Variants in IFT80 observed in about 807,000 individuals in gnomAD.
IFT80 encodes the protein intraflagellar transport protein 80 homolog.
A neutral mutation model predicts 107.9 loss-of-function variants in IFT80; 79 were observed. The ratio of observed to expected loss-of-function variants is 0.73; its 90% CI spans 0.61 to 0.88. The LOEUF is 0.88. IFT80 is among the 40% of genes least tolerant of loss of function. The pLI is 0.00. For missense variants in IFT80, 797 were observed against 914.2 expected, an observed-to-expected ratio of 0.87 and a Z score of 1.65; for synonymous variants, 299 against 300.9, an observed-to-expected ratio of 0.99 and a Z score of 0.07.
intron 12 of IFT80, among the ~76,000 whole-genome samples, chr3:160,299,626 T>C (rs1042299441): frequency 3.9e-5 from 6 of 152,212 alleles, no homozygotes; most frequent in Non-Finnish European, 8.8e-5. Context: ...CTCTTCTTTG[T>C]GTACACTTAC....
intron 13 of IFT80, among the ~76,000 whole-genome samples, chr3:160,283,136 C>T (rs1051161304): frequency 2.6e-5 from 4 of 152,244 alleles, no homozygotes; most frequent in Middle Eastern, 3.4e-3. Flanking sequence ...ACTTACTTTG[C>T]AAATCAGAAG....
Position 160,258,392 on chromosome 3 carries a change from A to T in IFT80, c.*133T>A. ...GTTTCATCTTTCTGCATGTACTTTT[A>T]CACTAAATACACAGCAAGTACTTAT... On this transcript the variant is annotated 3_prime_UTR_variant, in exon 20 of 20. Transcript: ENST00000326448. 9.4e-7 allele frequency: 1 copy of T among 1,059,176 alleles called. No homozygotes were observed. Among genetic ancestry groups the T allele is most frequent in the Non-Finnish European group, 1.4e-6 (1 of 723,044 alleles). 65.6% of individuals were successfully genotyped at this position (1,059,176 alleles called of 1,614,324 possible).
intron 6 of IFT80, among the ~76,000 whole-genome samples, chr3:160,361,926 A>G (rs929072844): frequency 2.6e-5 from 4 of 152,250 alleles, no homozygotes; most frequent in African/African-American, 9.6e-5. Context: ...AGAAAGCAGG[A>G]AAGATCTAAA....
At chr3:160,277,967 C>CA (rs1256515495) in intron 16 of IFT80, among the ~76,000 whole-genome samples, 1 of 151,964 alleles carries the variant, frequency 6.6e-6, no homozygotes, top group African/African-American at 2.4e-5. Flanking sequence ...GACGAGGTGT[C>CA]AAAAAATGTA....
In IFT80 at chr3:160,292,475, CTTTTTTTT is replaced by C. The variant is rs142116230; in HGVS notation, c.1316-6615_1316-6608del. On this transcript the variant is annotated intron_variant, in intron 12 of 19. Transcript: ENST00000326448. The stretch of plus-strand genomic sequence containing the variant: ...ATAGATTCCTGCACTAGAGAGATTC[CTTTTTTTT>C]TTTTTTTTTTTTTTGAGACGGAGTC... Among the ~76,000 whole-genome samples, 322 of 115,382 alleles carry C rather than the reference CTTTTTTTT, an allele frequency of 2.8e-3. 4 individuals are homozygous for C. The highest frequency in any genetic ancestry group is 0.011 in the African/African-American group (306 of 28,256). The allele number at this position is 115,382 out of a possible 152,430, so 75.7% of individuals were successfully genotyped here. A position where few individuals can be genotyped will look rare whatever the true frequency, so the allele number is the denominator to read the frequency against.
chr3:160,288,967 A>G (rs1715321290), intron 12 of IFT80, among the ~76,000 whole-genome samples: 1 of 150,570 alleles, frequency 6.6e-6, no homozygotes, highest in African/African-American at 2.4e-5. Flanking sequence ...GTGCATACCC[A>G]AAGGAATATA....
chr3:160,276,190 T>G (rs1714252814), intron 18 of IFT80, among the ~76,000 whole-genome samples: 1 of 152,102 alleles, frequency 6.6e-6, no homozygotes, highest in Non-Finnish European at 1.5e-5. Flanking sequence ...TTTTATAGAA[T>G]GAAAAACATC....
At chr3:160,320,735 T>C (rs1002576163) in intron 8 of IFT80, among the ~76,000 whole-genome samples, 2 of 151,904 alleles carry the variant, frequency 1.3e-5, no homozygotes, top group Non-Finnish European at 2.9e-5. Context: ...GATTTTGTTG[T>C]TGTTGTTGCT....
intron 19 of IFT80, among the ~76,000 whole-genome samples, chr3:160,268,082 G>C (rs746405270): frequency 7.9e-5 from 12 of 152,162 alleles, no homozygotes; most frequent in Non-Finnish European, 1.5e-4. Context: ...CAGCAGAAGA[G>C]GCAGCTTGTG....
chr3:160,347,492 T>A (rs1387770505), intron 8 of IFT80, among the ~76,000 whole-genome samples: 1 of 152,166 alleles, frequency 6.6e-6, no homozygotes, highest in Non-Finnish European at 1.5e-5. Flanking sequence ...CTTTATTGCA[T>A]CTGTATAACT....
intron 8 of IFT80, among the ~76,000 whole-genome samples, chr3:160,341,574 A>G (rs1719898485): frequency 6.6e-6 from 1 of 152,142 alleles, no homozygotes; most frequent in Non-Finnish European, 1.5e-5. Context: ...ACCTAAGCTG[A>G]GCCAGTGATC....
At chr3:160,335,769 G>C (rs2108325133) in intron 8 of IFT80, among the ~76,000 whole-genome samples, 1 of 152,208 alleles carries the variant, frequency 6.6e-6, no homozygotes, top group Non-Finnish European at 1.5e-5. Flanking sequence ...TCTAATTTCA[G>C]AACATTTTCA....
intron 12 of IFT80, among the ~76,000 whole-genome samples, chr3:160,293,567 G>A (rs1343996342): frequency 2.6e-5 from 4 of 152,188 alleles, no homozygotes; most frequent in Non-Finnish European, 5.9e-5. Flanking sequence ...AGGCCAGGGG[G>A]TGGTCTGTAG....
At chr3:160,387,543 A>G (rs938897911) in intron 1 of IFT80, among the ~76,000 whole-genome samples, 1 of 152,158 alleles carries the variant, frequency 6.6e-6, no homozygotes, top group African/African-American at 2.4e-5. Flanking sequence ...AAATGACTGT[A>G]AAGTTTCAAT....
Position 160,398,296 on chromosome 3 carries a change from T to C in IFT80, c.-47+850A>G, listed in dbSNP as rs373521774. Among the ~76,000 whole-genome samples the C allele has an allele frequency of 2.6e-5, 4 of 152,246 alleles. No individual in the cohort carries two copies. The East Asian group carries it at 5.8e-4, about 22-fold the overall frequency. On this transcript the variant is annotated intron_variant, in intron 1 of 19. Coordinates refer to ENST00000326448, the MANE Select transcript of IFT80 (RefSeq NM_020800.3). ...ATCACTGAACCTGACTTCATGCTCTTCCAGGGAAGAACCATAATGTATTTA... is the reference window on the plus strand; with the variant it reads ...ATCACTGAACCTGACTTCATGCTCTCCCAGGGAAGAACCATAATGTATTTA...
At chr3:160,384,724 A>T (rs1280987935) in intron 1 of IFT80, 78 bp from the exon 2 acceptor site, 2 of 1,103,840 alleles carry the variant, frequency 1.8e-6, no homozygotes, top group South Asian at 2.8e-5. Flanking sequence ...AAGGCAAACA[A>T]AACATCATTG....
At chr3:160,397,912 G>T (rs1225403774) in intron 1 of IFT80, among the ~76,000 whole-genome samples, 2 of 151,732 alleles carry the variant, frequency 1.3e-5, no homozygotes, top group East Asian at 3.9e-4. Context: ...GTAGAGACGG[G>T]GTTTGTCCAT....
chr3:160,351,278 TATC>T (rs982461271), intron 8 of IFT80, among the ~76,000 whole-genome samples: 2 of 150,722 alleles, frequency 1.3e-5, no homozygotes, highest in African/African-American at 2.4e-5. Flanking sequence ...TAAAAGTAAT[TATC>T]ATTTTTAATA....
At chr3:160,358,261 C>T (rs1445933780) in intron 6 of IFT80, among the ~76,000 whole-genome samples, 1 of 152,016 alleles carries the variant, frequency 6.6e-6, no homozygotes, top group Non-Finnish European at 1.5e-5. Flanking sequence ...AATCCTCCTG[C>T]CTTGGCCTCC....
Sources: allele counts gnomAD v4.1 joint callset (sites outside exome capture counted in the v4.1 genomes callset), GRCh38; gene constraint gnomAD v4.1.1; transcripts MANE v1.5; gene names NCBI Gene and HGNC (gene_info 2026-07-23, HGNC 2026-07-21).